Variants in ADGRL3 observed in about 807,000 individuals in gnomAD.
The protein encoded by ADGRL3 is calcium-independent alpha-latrotoxin receptor 3.
A neutral mutation model predicts 153.5 loss-of-function variants in ADGRL3; 62 were observed. The ratio of observed to expected loss-of-function variants is 0.40; its 90% confidence interval spans 0.33 to 0.50. ADGRL3 has a LOEUF of 0.50. ADGRL3 is among the 20% of genes least tolerant of loss of function. The pLI is 0.47. For synonymous variants in ADGRL3, 710 were observed against 672.5 expected, an observed-to-expected ratio of 1.06 and a Z score of -0.86; for missense variants, 1,641 against 1,859.4, an observed-to-expected ratio of 0.88 and a Z score of 2.16.
At chr4:62,007,356 T>TTTTATATATATATATATATATA (rs1553908562) in intron 21 of ADGRL3, among the ~76,000 whole-genome samples, 1 of 30,914 alleles carries the variant, frequency 3.2e-5, no homozygotes, top group Non-Finnish European at 6.3e-5. Context: ...GACAAAATGA[T>TTTTATATATATATATATATATA]TATATATATA....
At chr4:61,373,148 A>C (rs2096560099) in intron 1 of ADGRL3, among the ~76,000 whole-genome samples, 1 of 152,154 alleles carries the variant, frequency 6.6e-6, no homozygotes, top group Non-Finnish European at 1.5e-5. Context: ...TAGTGAGATG[A>C]ACCCGGTACC....
chr4:62,057,829 C>T (rs191876246), intron 25 of ADGRL3, among the ~76,000 whole-genome samples: 3 of 152,120 alleles, frequency 2.0e-5, no homozygotes, highest in East Asian at 1.9e-4. Flanking sequence ...AGGCACACTC[C>T]GCCACGCCTG....
At chr4:61,481,892 A>G (rs2098135546) in intron 2 of ADGRL3, among the ~76,000 whole-genome samples, 1 of 152,166 alleles carries the variant, frequency 6.6e-6, no homozygotes, top group African/African-American at 2.4e-5. Flanking sequence ...ATTTCCATAC[A>G]TAGCATTTTT....
intron 6 of ADGRL3, among the ~76,000 whole-genome samples, chr4:61,713,021 G>A (rs1271173868): frequency 6.6e-6 from 1 of 152,176 alleles, no homozygotes; most frequent in Non-Finnish European, 1.5e-5. Context: ...TGATATTGCA[G>A]CTGCAGCAAC....
intron 26 of ADGRL3, among the ~76,000 whole-genome samples, chr4:62,069,821 T>C (rs948537937): frequency 6.6e-6 from 1 of 152,130 alleles, no homozygotes; most frequent in African/African-American, 2.4e-5. Context: ...TGTCAGCCAA[T>C]GTTTGTGTGG....
chr4:61,522,866 C>G (rs1319200638), intron 4 of ADGRL3, among the ~76,000 whole-genome samples: 1 of 152,090 alleles, frequency 6.6e-6, no homozygotes, highest in African/African-American at 2.4e-5. Context: ...TGCCAATATA[C>G]CTTTGGCAAA....
chr4:61,993,037 C>T (rs1240013041), intron 19 of ADGRL3, among the ~76,000 whole-genome samples: 1 of 151,960 alleles, frequency 6.6e-6, no homozygotes, highest in Non-Finnish European at 1.5e-5. Context: ...TTTTAGTTCT[C>T]AGATTAGCTT....
At chr4:61,355,671 A>T (rs1178526037) in intron 1 of ADGRL3, among the ~76,000 whole-genome samples, 1 of 152,224 alleles carries the variant, frequency 6.6e-6, no homozygotes, top group East Asian at 1.9e-4. Flanking sequence ...TACAGCAAAC[A>T]TTGATCCACT....
At chr4:61,415,978 A>G (rs1472179795) in intron 2 of ADGRL3, among the ~76,000 whole-genome samples, 1 of 152,086 alleles carries the variant, frequency 6.6e-6, no homozygotes, top group Non-Finnish European at 1.5e-5. Context: ...CGTCTTTTAA[A>G]AGGCTACCTT....
intron 2 of ADGRL3, among the ~76,000 whole-genome samples, chr4:61,421,759 A>G (rs2097210122): frequency 6.6e-6 from 1 of 152,180 alleles, no homozygotes; most frequent in South Asian, 2.1e-4. Flanking sequence ...TTAGTAAAGT[A>G]TTGTAATGAC....
At chr4:61,247,913 C>T (rs1035973894) in intron 1 of ADGRL3, among the ~76,000 whole-genome samples, 5 of 151,884 alleles carry the variant, frequency 3.3e-5, no homozygotes, top group Admixed American at 6.6e-5. Flanking sequence ...TTTCCTTGCT[C>T]GTAGAGTTAA....
At chr4:61,852,834 ATTTAT>A (rs2098222662) in intron 9 of ADGRL3, among the ~76,000 whole-genome samples, 3 of 151,336 alleles carry the variant, frequency 2.0e-5, no homozygotes, top group Non-Finnish European at 2.9e-5. Context: ...TTATTTATTT[ATTTAT>A]TTATTTATTG....
chr4:61,314,717 A>T (rs909020801), intron 1 of ADGRL3, among the ~76,000 whole-genome samples: 1 of 152,164 alleles, frequency 6.6e-6, no homozygotes, highest in Admixed American at 6.5e-5. Context: ...GGCAATGCCT[A>T]GAGATACTGT....
chr4:61,344,416 A>G (rs2095860983), intron 1 of ADGRL3, among the ~76,000 whole-genome samples: 1 of 152,226 alleles, frequency 6.6e-6, no homozygotes, highest in Non-Finnish European at 1.5e-5. Context: ...GATTAACAAA[A>G]GTCACTGTCA....
intron 5 of ADGRL3, among the ~76,000 whole-genome samples, chr4:61,629,134 G>A (rs546573787): frequency 6.6e-6 from 1 of 152,170 alleles, no homozygotes; most frequent in Non-Finnish European, 1.5e-5. Context: ...GAGACTCTTT[G>A]GGAACCTCTT....
At chr4:61,575,953 A>G (rs899214187) in intron 4 of ADGRL3, among the ~76,000 whole-genome samples, 2 of 151,986 alleles carry the variant, frequency 1.3e-5, no homozygotes, top group African/African-American at 2.4e-5. Flanking sequence ...TTTGTGGTTG[A>G]GCTGAACAAA....
At chr4:61,840,638 A>C (rs2098016373) in intron 9 of ADGRL3, among the ~76,000 whole-genome samples, 2 of 152,088 alleles carry the variant, frequency 1.3e-5, no homozygotes. Context: ...GTTATAATAA[A>C]TGTATTTGTT....
In ADGRL3 at chr4:61,201,000, CCGCGGAGGTTG is replaced by C. The variant is rs1393537329; in HGVS notation, c.-1002_-992del. On this transcript the variant is annotated 5_prime_UTR_variant, in exon 1 of 27. The change creates a premature stop within an existing upstream ORF in the 5' untranslated region. Transcript: ENST00000683033. ...TTTGTGTGGCTCTCGCTCCGGCTGT[CCGCGGAGGTTG>C]CGGGCTTGAGAGGGGACCCTCGGCT... 6.6e-6 allele frequency among the ~76,000 whole-genome samples: 1 copy of C among 152,136 alleles called. No homozygotes were observed. The highest frequency in any genetic ancestry group is 1.5e-5 in the Non-Finnish European group (1 of 68,028).
In ADGRL3 at chr4:61,632,531, G is replaced by A. The variant is rs543633595; in HGVS notation, c.474-44295G>A. On this transcript the variant is annotated intron_variant, in intron 5 of 26. Coordinates refer to ENST00000683033, the MANE Select transcript of ADGRL3 (RefSeq NM_001387552.1). ...TGTTCAGCCTTTAGATGTACAGTCT[G>A]GTGTCATGCCTGTTAAGTTCATGAT... Among the ~76,000 whole-genome samples, 5 of 152,200 alleles carry A rather than the reference G, an allele frequency of 3.3e-5. No homozygotes were observed. In the East Asian group the frequency reaches 9.7e-4, roughly 29 times the overall value.
Sources: allele counts gnomAD v4.1 joint callset (sites outside exome capture counted in the v4.1 genomes callset), GRCh38; gene constraint gnomAD v4.1.1; transcripts MANE v1.5; gene names NCBI Gene and HGNC (gene_info 2026-07-23, HGNC 2026-07-21).